Variants in RSF1 observed in about 807,000 individuals in gnomAD.
RSF1 encodes the protein HBV pX-associated protein 8.
A neutral mutation model predicts 145.2 loss-of-function variants in RSF1; 13 were observed. The ratio of observed to expected loss-of-function variants is 0.09; its 90% CI spans 0.06 to 0.14. RSF1 has a LOEUF of 0.14. RSF1 is among the 10% of genes least tolerant of loss of function. The probability of loss-of-function intolerance (pLI) is 1.00; values close to 1 mark genes in which losing one functional copy is unlikely to be tolerated. For missense variants in RSF1, 1,517 were observed against 1,718.2 expected (o/e 0.88, Z 2.07); for synonymous variants, 577 against 592.6 (o/e 0.97, Z 0.38).
In RSF1 at chr11:77,686,120, T is replaced by C. The variant is rs148211389; in HGVS notation, c.2901-961A>G. Among the ~76,000 whole-genome samples, 13 of 152,084 alleles carry C rather than the reference T, an allele frequency of 8.5e-5. No homozygotes were observed. In the East Asian group the frequency reaches 2.5e-3, roughly 29 times the overall value. On this transcript the variant is annotated intron_variant, in intron 9 of 15. Transcript: ENST00000308488. The stretch of plus-strand genomic sequence containing the variant: ...TTGTTGATTTTAATTAAATTACATA[T>C]TAAAAAAACAGCAGGATGGCTGGGT...
chr11:77,728,225 C>T lies in RSF1; in HGVS notation c.579-2526G>A, dbSNP rs188760835. 1.4e-3 allele frequency among the ~76,000 whole-genome samples: 207 copies of T among 152,212 alleles called. 1 individual carries two copies. The highest frequency in any genetic ancestry group is 3.3e-3 in the African/African-American group (138 of 41,536). On this transcript the variant is annotated intron_variant, in intron 4 of 15. Transcript: ENST00000308488. ...GCTCTCTTAGCCTGGAATGTGTTCC[C>T]CATGGCTAATTCCAATTACTCTCTC...
intron 5 of RSF1, among the ~76,000 whole-genome samples, chr11:77,710,066 A>G (rs12295947): frequency 1.3e-3 from 196 of 152,330 alleles, no homozygotes; most frequent in African/African-American, 4.6e-3. Flanking sequence ...TGAAAAAGAA[A>G]TTTAGCAGCT....
intron 2 of RSF1, among the ~76,000 whole-genome samples, chr11:77,749,583 CA>C (rs1948038997): frequency 6.6e-6 from 1 of 152,136 alleles, no homozygotes. Context: ...CCAAAAACAA[CA>C]ACTACTGATT....
At chr11:77,689,890 A>G (rs1226173992) in intron 9 of RSF1, among the ~76,000 whole-genome samples, 2 of 152,222 alleles carry the variant, frequency 1.3e-5, no homozygotes, top group African/African-American at 4.8e-5. Flanking sequence ...CAGGCTGGGC[A>G]CAGTGGCTCA....
intron 1 of RSF1, among the ~76,000 whole-genome samples, chr11:77,795,079 G>C (rs118166085): frequency 8.0e-4 from 121 of 152,040 alleles, no homozygotes; most frequent in Middle Eastern, 6.8e-3. Context: ...GAATCAAGAA[G>C]GCAATCCCAT....
intron 1 of RSF1, among the ~76,000 whole-genome samples, chr11:77,771,433 G>A (rs932925775): frequency 2.6e-5 from 4 of 152,162 alleles, no homozygotes; most frequent in African/African-American, 4.8e-5. Context: ...AAGTCCTGAG[G>A]AGGCCAACAG....
chr11:77,755,797 C>G (rs964249888), intron 2 of RSF1, among the ~76,000 whole-genome samples: 5 of 152,040 alleles, frequency 3.3e-5, no homozygotes. Context: ...CCAGGCTAGT[C>G]TTGAACTCCT....
At chr11:77,678,502 C>A (rs899751412) in intron 11 of RSF1, among the ~76,000 whole-genome samples, 1 of 152,104 alleles carries the variant, frequency 6.6e-6, no homozygotes, top group African/African-American at 2.4e-5. Flanking sequence ...CGTGAGCCAC[C>A]GCACCCAGCT....
upstream of RSF1, among the ~76,000 whole-genome samples, chr11:77,822,982 G>A (rs907184704): frequency 6.6e-6 from 1 of 152,226 alleles, no homozygotes; most frequent in African/African-American, 2.4e-5. Context: ...TTGGGAGGTC[G>A]AGACGGGCGG....
At chr11:77,829,859 C>T in the RSF1 span, 1 of 152,348 alleles carries the variant, frequency 6.6e-6, no homozygotes, top group African/African-American at 2.4e-5. Flanking sequence ...AGTCTGGGCA[C>T]AGTTGTTCAT....
intron 6 of RSF1, among the ~76,000 whole-genome samples, chr11:77,700,046 A>C (rs998907306): frequency 6.6e-6 from 1 of 152,126 alleles, no homozygotes; most frequent in Non-Finnish European, 1.5e-5. Flanking sequence ...GAACATCCAC[A>C]TAAATGCATG....
intron 2 of RSF1, among the ~76,000 whole-genome samples, chr11:77,756,786 T>C (rs1005413387): frequency 6.6e-6 from 1 of 152,236 alleles, no homozygotes; most frequent in Non-Finnish European, 1.5e-5. Flanking sequence ...CAGTAATTAT[T>C]CTGGAGGACT....
the RSF1 span, among the ~76,000 whole-genome samples, chr11:77,844,201 A>G: frequency 2.0e-5 from 3 of 152,190 alleles, no homozygotes; most frequent in East Asian, 3.8e-4. Flanking sequence ...TTATAAGGGC[A>G]CTAATCTCAT....
intron 2 of RSF1, among the ~76,000 whole-genome samples, chr11:77,753,520 C>A (rs1293706407): frequency 6.6e-6 from 1 of 152,134 alleles, no homozygotes; most frequent in African/African-American, 2.4e-5. Flanking sequence ...GCGTGGCCCA[C>A]AACAGGACGG....
chr11:77,789,829 CAG>C lies in RSF1; in HGVS notation c.188-25142_188-25141del, dbSNP rs1948498956. On this transcript the variant is annotated intron_variant, in intron 1 of 15. Transcript: ENST00000308488. ...CCATCCCAGACACACATTCTGGAAACAGGGGACTGCTCAGCCCACCACTGTTG... is the reference window on the plus strand; with the variant it reads ...CCATCCCAGACACACATTCTGGAAACGGGACTGCTCAGCCCACCACTGTTG... Among the ~76,000 whole-genome samples the C allele has an allele frequency of 6.6e-5, 10 of 152,344 alleles. No individual in the cohort carries two copies. The South Asian group carries it at 2.1e-3, about 32-fold the overall frequency.
At position 77,702,116 on chromosome 11, in the gene RSF1, A is replaced by G. The variant is rs571366675; in HGVS notation, c.1113T>C (p.Thr371=). Residue 371 remains threonine, a synonymous_variant, in exon 6 of 16, where the codon ACT becomes ACC. Transcript: ENST00000308488. ...HEITEKSTEE[T]EKLKNDQQAK... is the part of the protein sequence containing the mutation. ...CCTGCTGGTCATTTTTAAGTTTCTC[A>G]GTTTCTTCAGTAGATTTCTCAGTAA... 9 of 1,612,540 alleles carry G rather than the reference A, an allele frequency of 5.6e-6. No individual in the cohort carries two copies. The East Asian group carries it at 2.0e-4, about 36-fold the overall frequency.
At chr11:77,774,014 G>C (rs187647460) in intron 1 of RSF1, among the ~76,000 whole-genome samples, 2 of 152,306 alleles carry the variant, frequency 1.3e-5, no homozygotes, top group Admixed American at 6.5e-5. Flanking sequence ...AAAGGAGAAA[G>C]AAAATAAAGG....
intron 4 of RSF1, among the ~76,000 whole-genome samples, chr11:77,738,034 C>T (rs951786963): frequency 3.3e-5 from 5 of 152,164 alleles, no homozygotes; most frequent in African/African-American, 9.7e-5. Context: ...GAGGCTGAGG[C>T]AGAAGAATGG....
chr11:77,735,298 T>G (rs1489951144), intron 4 of RSF1, among the ~76,000 whole-genome samples: 1 of 152,238 alleles, frequency 6.6e-6, no homozygotes, highest in Non-Finnish European at 1.5e-5. Context: ...GTACAAGTTT[T>G]AAGACTGTGG....
Sources: allele counts gnomAD v4.1 joint callset (sites outside exome capture counted in the v4.1 genomes callset), GRCh38; gene constraint gnomAD v4.1.1; transcripts MANE v1.5; gene names NCBI Gene and HGNC (gene_info 2026-07-23, HGNC 2026-07-21).